Variants in PTPN20 observed in about 807,000 individuals in gnomAD.
The protein encoded by PTPN20 is protein tyrosine phosphatase non-receptor type 20.
In PTPN20, 9 loss-of-function variants were observed where a neutral mutation model predicts 35.0. The ratio of observed to expected loss-of-function variants is 0.26; its 90% CI spans 0.15 to 0.45. PTPN20 has a LOEUF of 0.45. Among genes scored for constraint, PTPN20 ranks in the 20% least tolerant of loss-of-function variants. The probability of loss-of-function intolerance (pLI) is 1.00; values close to 1 mark genes in which losing one functional copy is unlikely to be tolerated. For missense variants in PTPN20, 111 were observed against 312.5 expected (o/e 0.36, Z 4.86); for synonymous variants, 32 against 100.2 (o/e 0.32, Z 4.06).
intron 3 of PTPN20, among the ~76,000 whole-genome samples, chr10:46,941,516 T>TC (rs1274617549): frequency 7.3e-5 from 9 of 123,674 alleles, no homozygotes; most frequent in African/African-American, 2.5e-4. Flanking sequence ...GGCTCTCCGC[T>TC]CACTCTTGAT....
intron 1 of PTPN20, among the ~76,000 whole-genome samples, chr10:46,918,584 C>T: frequency 8.1e-6 from 1 of 123,072 alleles, no homozygotes. Flanking sequence ...TGTATTTTTA[C>T]CTTCATTCAA....
At chr10:46,924,782 A>AT (rs543864992) in intron 1 of PTPN20, among the ~76,000 whole-genome samples, 1,235 of 102,016 alleles carry the variant, frequency 0.012, 322 homozygotes, top group African/African-American at 0.048. Context: ...TTTTCCAAGA[A>AT]TTTTTTTTTT....
chr10:46,958,851 C>T (rs1337604946), intron 5 of PTPN20, among the ~76,000 whole-genome samples: 2 of 151,192 alleles, frequency 1.3e-5, no homozygotes, highest in African/African-American at 4.9e-5. Flanking sequence ...ATCAGTTTTT[C>T]TTATATTTGA....
chr10:46,988,825 T>G (rs1157037552), intron 9 of PTPN20, among the ~76,000 whole-genome samples: 1 of 152,138 alleles, frequency 6.6e-6, no homozygotes, highest in African/African-American at 2.4e-5. Flanking sequence ...TTTTACTTTT[T>G]TGGTTAAATT....
chr10:46,998,478 G>A (rs1008215079), intron 9 of PTPN20, among the ~76,000 whole-genome samples: 4 of 152,180 alleles, frequency 2.6e-5, no homozygotes, highest in Admixed American at 6.5e-5. Flanking sequence ...TTTTCCAAGG[G>A]TTAGAGATTG....
intron 9 of PTPN20, among the ~76,000 whole-genome samples, chr10:46,994,493 G>A (rs924323419): frequency 0.021 from 3,246 of 151,654 alleles, 127 homozygotes; most frequent in African/African-American, 0.074. Context: ...CATCACGCCC[G>A]GCTAATTTTT....
chr10:46,932,534 G>C lies in PTPN20; in HGVS notation c.34+1G>C, dbSNP rs1345379606. 5 of 1,611,956 alleles carry C rather than the reference G, an allele frequency of 3.1e-6. No individual in the cohort carries two copies. The highest frequency in any genetic ancestry group is 4.2e-6 in the Non-Finnish European group (5 of 1,179,946). On this transcript the variant is annotated splice_donor_variant, in intron 2 of 10. Coordinates refer to ENST00000374339, the MANE Select transcript of PTPN20 (RefSeq NM_001042357.5). LOFTEE classifies it high-confidence loss of function. ...CCTAGGGACTTTAGAGCAGAGCCTG[G>C]TAGGTGCATCATCTACTTTTGTGGG...
chr10:46,999,772 A>G, intron 9 of PTPN20, 140 bp from the exon 10 acceptor site: 1 of 1,040,232 alleles, frequency 9.6e-7, no homozygotes, highest in Non-Finnish European at 1.5e-6. Flanking sequence ...GGGCTAAGTT[A>G]AAAATAGCAC....
chr10:46,992,622 T>C (rs2058210786), intron 9 of PTPN20, among the ~76,000 whole-genome samples: 2 of 152,242 alleles, frequency 1.3e-5, no homozygotes, highest in African/African-American at 4.8e-5. Flanking sequence ...TTTTTAACTC[T>C]TGGATCATTT....
At chr10:46,947,637 G>GTAT (rs2045351329) in intron 5 of PTPN20, among the ~76,000 whole-genome samples, 5 of 151,560 alleles carry the variant, frequency 3.3e-5, no homozygotes, top group Non-Finnish European at 5.9e-5. Context: ...TTTTTTTATA[G>GTAT]TTAACCCTTT....
chr10:46,918,359 TTC>T (rs1382435287), intron 1 of PTPN20, among the ~76,000 whole-genome samples: 4 of 32,476 alleles, frequency 1.2e-4, no homozygotes, highest in African/African-American at 8.5e-4. Context: ...TCATTGATTT[TTC>T]TCTGTTATTT....
At chr10:46,999,625 T>G (rs2059752268) in intron 9 of PTPN20, among the ~76,000 whole-genome samples, 1 of 152,202 alleles carries the variant, frequency 6.6e-6, no homozygotes, top group Non-Finnish European at 1.5e-5. Flanking sequence ...CAGTGCTGCT[T>G]TAAGTTCTGC....
At chr10:47,002,791 T>C (rs1323390991), downstream of PTPN20, among the ~76,000 whole-genome samples, 1 of 151,982 alleles carries the variant, frequency 6.6e-6, no homozygotes, top group Non-Finnish European at 1.5e-5. Context: ...TAGATTTTTT[T>C]CTTCCATATT....
chr10:46,997,956 T>C (rs1282792417), intron 9 of PTPN20, among the ~76,000 whole-genome samples: 1 of 152,106 alleles, frequency 6.6e-6, no homozygotes, highest in Non-Finnish European at 1.5e-5. Flanking sequence ...GAGAATTATG[T>C]GAAGATTTGG....
chr10:46,933,444 C>G (rs1280530932), intron 2 of PTPN20, among the ~76,000 whole-genome samples: 2 of 150,772 alleles, frequency 1.3e-5, no homozygotes, highest in Non-Finnish European at 2.9e-5. Context: ...TTGATACCAT[C>G]TGACCAACAA....
intron 1 of PTPN20, among the ~76,000 whole-genome samples, chr10:46,923,512 C>T (rs1434973767): frequency 4.8e-5 from 7 of 147,120 alleles, no homozygotes; most frequent in Non-Finnish European, 8.9e-5. Context: ...TACTAAAGAT[C>T]GGTTGACTAC....
intron 9 of PTPN20, among the ~76,000 whole-genome samples, chr10:46,992,731 T>C (rs2058232769): frequency 6.6e-6 from 1 of 152,246 alleles, no homozygotes; most frequent in Non-Finnish European, 1.5e-5. Flanking sequence ...TTCAGCCATC[T>C]CAATTTAGTT....
At chr10:46,998,491 G>T (rs2059536483) in intron 9 of PTPN20, among the ~76,000 whole-genome samples, 1 of 152,190 alleles carries the variant, frequency 6.6e-6, no homozygotes, top group Non-Finnish European at 1.5e-5. Context: ...AGAGATTGGG[G>T]TGGATGAGTG....
chr10:46,991,792 A>G (rs2058016072), intron 9 of PTPN20, among the ~76,000 whole-genome samples: 1 of 150,454 alleles, frequency 6.6e-6, no homozygotes, highest in Non-Finnish European at 1.5e-5. Flanking sequence ...TGAGAGGTCT[A>G]CTCCTAGCCT....
Sources: allele counts gnomAD v4.1 joint callset (sites outside exome capture counted in the v4.1 genomes callset), GRCh38; gene constraint gnomAD v4.1.1; transcripts MANE v1.5; gene names NCBI Gene and HGNC (gene_info 2026-07-23, HGNC 2026-07-21).